LRRC38: variants seen among roughly 807,000 people sequenced by gnomAD.
LRRC38 encodes the protein leucine-rich repeat-containing protein 38.
Under a neutral mutation model 16.4 loss-of-function variants are expected in LRRC38, and 5 were observed. The ratio of observed to expected loss-of-function variants is 0.31; its 90% CI spans 0.16 to 0.64. The LOEUF (loss-of-function observed/expected upper bound fraction) is 0.64. LRRC38 is among the 30% of genes least tolerant of loss of function. LRRC38 has a pLI of 0.80. For synonymous variants in LRRC38, 191 were observed against 190.2 expected (o/e 1.00, Z -0.04); for missense variants, 341 against 401.8 (o/e 0.85, Z 1.29).
chr1:13,484,720 A>G (rs1358370160), intron 1 of LRRC38, among the ~76,000 whole-genome samples: 1 of 152,242 alleles, frequency 6.6e-6, no homozygotes, highest in Non-Finnish European at 1.5e-5. Flanking sequence ...GACAGAGTGG[A>G]GATGCATCAG....
chr1:13,512,935 C>CA, intron 1 of LRRC38, 28 bp downstream of exon 1: 6 of 1,490,326 alleles, frequency 4.0e-6, no homozygotes, highest in East Asian at 2.5e-5. Flanking sequence ...CCCTCCCTCC[C>CA]TCCCCCAGCC....
chr1:13,502,996 A>T (rs1240288168), intron 1 of LRRC38, among the ~76,000 whole-genome samples: 1 of 152,208 alleles, frequency 6.6e-6, no homozygotes, highest in Non-Finnish European at 1.5e-5. Context: ...AGACAGGAAC[A>T]TACTCTTGCA....
rs558857819 is a variant in LRRC38, at chr1:13,495,890, C to G, written c.631+17073G>C. Reference sequence around the variant, plus strand: ...GTGTTCAGTGACAGCCCCTCAGGTGCCTGCAGACAGGCACTATGTTCTTCC... The same window carrying G: ...GTGTTCAGTGACAGCCCCTCAGGTGGCTGCAGACAGGCACTATGTTCTTCC... On this transcript the variant is annotated intron_variant, in intron 1 of 1. Transcript: ENST00000376085. 4.6e-5 allele frequency among the ~76,000 whole-genome samples: 7 copies of G among 152,266 alleles called. No individual in the cohort carries two copies. In the East Asian group the frequency reaches 1.4e-3, roughly 29 times the overall value.
intron 1 of LRRC38, among the ~76,000 whole-genome samples, chr1:13,476,548 T>C (rs1289037878): frequency 6.6e-6 from 1 of 152,128 alleles, no homozygotes; most frequent in Non-Finnish European, 1.5e-5. Context: ...AGGCTGATCT[T>C]GAACTCCTGA....
intron 1 of LRRC38, among the ~76,000 whole-genome samples, chr1:13,512,679 G>C (rs551971788): frequency 6.6e-6 from 1 of 152,290 alleles, no homozygotes; most frequent in African/African-American, 2.4e-5. Context: ...AAAGCCCAGG[G>C]AGATGATCCT....
intron 1 of LRRC38, among the ~76,000 whole-genome samples, chr1:13,501,515 TCTCCTGCCTC>T (rs1639149163): frequency 2.0e-5 from 3 of 146,644 alleles, no homozygotes; most frequent in Admixed American, 2.0e-4. Context: ...TTCAAGCAAT[TCTCCTGCCTC>T]AGCCTCCCTA....
At chr1:13,476,333 G>GTTTGTTT (rs931346475) in intron 1 of LRRC38, among the ~76,000 whole-genome samples, 1 of 150,744 alleles carries the variant, frequency 6.6e-6, no homozygotes, top group Non-Finnish European at 1.5e-5. Context: ...ATTTTCAGGT[G>GTTTGTTT]TTTGTTTTTT....
intron 1 of LRRC38, among the ~76,000 whole-genome samples, chr1:13,484,757 T>C (rs1485908866): frequency 6.6e-6 from 1 of 152,260 alleles, no homozygotes; most frequent in African/African-American, 2.4e-5. Flanking sequence ...CCTCACCATA[T>C]GCCAGATATT....
At chr1:13,478,262 C>A (rs532004407) in intron 1 of LRRC38, among the ~76,000 whole-genome samples, 16 of 152,332 alleles carry the variant, frequency 1.1e-4, no homozygotes, top group Admixed American at 7.2e-4. Context: ...AGTCATGTTG[C>A]ACTTACTATG....
rs147515772 is a variant in LRRC38, at chr1:13,482,214, C to A, written c.632-6115G>T. On this transcript the variant is annotated intron_variant, in intron 1 of 1. Transcript: ENST00000376085. Reference sequence around the variant, plus strand: ...AGAGACAGAGAGAGGTGGCCCTGGCCTCTTGGAGCTTAGGTCTTACAGGAG... The same window carrying A: ...AGAGACAGAGAGAGGTGGCCCTGGCATCTTGGAGCTTAGGTCTTACAGGAG... 1.1e-3 allele frequency among the ~76,000 whole-genome samples: 161 copies of A among 152,026 alleles called. 2 individuals carry two copies. The highest frequency in any genetic ancestry group is 3.8e-3 in the African/African-American group (156 of 41,464).
intron 1 of LRRC38, among the ~76,000 whole-genome samples, chr1:13,480,248 G>A (rs1425334963): frequency 6.6e-6 from 1 of 152,232 alleles, no homozygotes; most frequent in African/African-American, 2.4e-5. Context: ...GGGAGGCTGA[G>A]GCAAGAGAAT....
intron 1 of LRRC38, among the ~76,000 whole-genome samples, chr1:13,496,287 G>T (rs932375755): frequency 1.3e-5 from 2 of 152,114 alleles, no homozygotes; most frequent in Non-Finnish European, 2.9e-5. Context: ...TCTTGCCTCA[G>T]CGTCCCAAGT....
intron 1 of LRRC38, among the ~76,000 whole-genome samples, chr1:13,481,938 T>G (rs1000706988): frequency 4.6e-5 from 7 of 152,068 alleles, no homozygotes; most frequent in African/African-American, 1.2e-4. Flanking sequence ...TCCAGAACTG[T>G]GAGGAAATAA....
At chr1:13,477,345 T>A (rs1638801487) in intron 1 of LRRC38, among the ~76,000 whole-genome samples, 1 of 152,196 alleles carries the variant, frequency 6.6e-6, no homozygotes, top group African/African-American at 2.4e-5. Context: ...TTGCCTTCAT[T>A]TAGCTTACAT....
Position 13,513,374 on chromosome 1 carries a change from C to T in LRRC38, c.220G>A (p.Asp74Asn). 1 of 1,550,734 alleles carries T rather than the reference C, an allele frequency of 6.4e-7. No homozygotes were observed. The highest frequency in any genetic ancestry group is 8.7e-7 in the Non-Finnish European group (1 of 1,146,996). Residue 74 changes from aspartate (D) to asparagine (N), a missense_variant, in exon 1 of 2, where the codon GAC becomes AAC. Asp to Asn is a conservative substitution (Grantham distance 23). Coordinates refer to ENST00000376085, the MANE Select transcript of LRRC38 (RefSeq NM_001010847.2). ...AGNRIQRIPE[D>N]FFIFYGDLVY... ...AGGTCGCCGTAGAAGATGAAGAAGT[C>T]CTCGGGGATCCGCTGGATGCGGTTG... is the stretch of plus-strand genomic sequence containing the variant.
chr1:13,511,134 C>T (rs2940305), intron 1 of LRRC38, among the ~76,000 whole-genome samples: 1 of 151,984 alleles, frequency 6.6e-6, no homozygotes, highest in African/African-American at 2.4e-5. Flanking sequence ...TCTTTCCTAT[C>T]TGAGTCCAGT....
rs1639302835 is a variant in LRRC38, at chr1:13,513,557, G to T, written c.37C>A (p.Leu13Ile). 1 of 1,234,212 alleles carries T rather than the reference G, an allele frequency of 8.1e-7. No individual in the cohort carries two copies. The highest frequency in any genetic ancestry group is 4.3e-5 in the Admixed American group (1 of 23,060). The allele number at this position is 1,234,212 out of a possible 1,614,324, so 76.5% of individuals were successfully genotyped here. ...AGCAGCAGAAGGCTGCAGAGCCCGA[G>T]CGCCGCGGCGGCGCAGGCTGGGGCT... is the stretch of plus-strand genomic sequence containing the variant. ...PRAPACAAAALGLCSLLLLLA... is the reference protein window; with the variant it reads ...PRAPACAAAAIGLCSLLLLLA... The change falls in exon 1 of 2, where the codon CTC (leucine) becomes ATC (isoleucine). Residue 13 changes from leucine (L) to isoleucine (I), a missense_variant. Leu to Ile is a conservative substitution (Grantham distance 5). Transcript: ENST00000376085.
chr1:13,511,494 A>G (rs1472997051), intron 1 of LRRC38, among the ~76,000 whole-genome samples: 1 of 152,106 alleles, frequency 6.6e-6, no homozygotes, highest in African/African-American at 2.4e-5. Context: ...GGCAGAACTG[A>G]GACAAACCCA....
intron 1 of LRRC38, among the ~76,000 whole-genome samples, chr1:13,498,568 T>A (rs1569930421): frequency 1.3e-5 from 2 of 151,898 alleles, no homozygotes; most frequent in African/African-American, 4.8e-5. Flanking sequence ...GAGGCGGAGG[T>A]TGCAGTAAGC....
Sources: allele counts gnomAD v4.1 joint callset (sites outside exome capture counted in the v4.1 genomes callset), GRCh38; gene constraint gnomAD v4.1.1; transcripts MANE v1.5; gene names NCBI Gene and HGNC (gene_info 2026-07-23, HGNC 2026-07-21).